The following PLCXD3 variants were observed in gnomAD, a reference collection of about 807,000 sequenced individuals.
PLCXD3 encodes the protein PI-PLC X domain-containing protein 3.
A neutral mutation model predicts 25.5 loss-of-function variants in PLCXD3; 19 were observed. That is an observed-to-expected ratio of 0.75 (90% CI 0.52 to 1.09). PLCXD3 has a LOEUF of 1.09. Ranked by LOEUF, PLCXD3 falls within the 50% of genes least tolerant of loss-of-function variation. The probability of loss-of-function intolerance (pLI) is 0.00; values close to 1 mark genes in which losing one functional copy is unlikely to be tolerated. For missense variants in PLCXD3, 411 were observed against 388.1 expected (o/e 1.06, Z -0.50); for synonymous variants, 174 against 137.6 (o/e 1.26, Z -1.85).
intron 1 of PLCXD3, among the ~76,000 whole-genome samples, chr5:41,428,108 C>G (rs902585628): frequency 6.6e-5 from 10 of 152,096 alleles, no homozygotes; most frequent in East Asian, 3.9e-4. Flanking sequence ...TAAACTTTGT[C>G]TCTCTCCCCA....
Position 41,309,903 on chromosome 5 carries a change from T to C in PLCXD3, c.*3714A>G, listed in dbSNP as rs1435438235. 6.6e-6 allele frequency: 1 copy of C among 152,160 alleles called. No individual in the cohort carries two copies. The highest frequency in any genetic ancestry group is 1.5e-5 in the Non-Finnish European group (1 of 68,008). The allele number at this position is 152,160 out of a possible 1,614,324, so 9.4% of individuals were successfully genotyped here. A position where few individuals can be genotyped will look rare whatever the true frequency, so the allele number is the denominator to read the frequency against. On this transcript the variant is annotated 3_prime_UTR_variant, in exon 3 of 3. Coordinates refer to ENST00000377801, the MANE Select transcript of PLCXD3 (RefSeq NM_001005473.3). ...TTTGAATTATGTTTATATCTACTAATGTAGGAGATATTGATTTTAAGAGTT... is the reference window on the plus strand; with the variant it reads ...TTTGAATTATGTTTATATCTACTAACGTAGGAGATATTGATTTTAAGAGTT...
At chr5:41,491,729 C>T (rs1484813994) in intron 1 of PLCXD3, among the ~76,000 whole-genome samples, 1 of 151,960 alleles carries the variant, frequency 6.6e-6, no homozygotes, top group East Asian at 1.9e-4. Flanking sequence ...GGTTTAAAGT[C>T]TGTTTTATCA....
chr5:41,446,097 A>C (rs141261780), intron 1 of PLCXD3, among the ~76,000 whole-genome samples: 2,910 of 146,128 alleles, frequency 0.02, 38 homozygotes, highest in Non-Finnish European at 0.024. Context: ...CTGAGGCAGG[A>C]GAATGACGTG....
intron 1 of PLCXD3, among the ~76,000 whole-genome samples, chr5:41,508,540 G>A (rs1319989816): frequency 1.3e-5 from 2 of 152,216 alleles, no homozygotes; most frequent in Non-Finnish European, 2.9e-5. Context: ...GCTTCATGGG[G>A]TTTTAGAAGG....
chr5:41,392,898 GA>G (rs1168981097), intron 1 of PLCXD3, among the ~76,000 whole-genome samples: 1 of 152,120 alleles, frequency 6.6e-6, no homozygotes, highest in Non-Finnish European at 1.5e-5. Flanking sequence ...CTGAAATTCT[GA>G]AGCTGAAAAA....
intron 1 of PLCXD3, among the ~76,000 whole-genome samples, chr5:41,455,935 C>T (rs1747742580): frequency 6.6e-6 from 1 of 151,840 alleles, no homozygotes; most frequent in South Asian, 2.1e-4. Context: ...GTGTTAAAAA[C>T]AATGCATGTA....
chr5:41,360,892 T>A lies in PLCXD3; in HGVS notation c.812+20934A>T, dbSNP rs1744752779. On this transcript the variant is annotated intron_variant, in intron 2 of 2. Coordinates refer to ENST00000377801, the MANE Select transcript of PLCXD3 (RefSeq NM_001005473.3). ...ACATCAGCTGTGGTAATATAAGGAGTTTGCAAACTCACCTTGGGGATACCT... is the reference window on the plus strand; with the variant it reads ...ACATCAGCTGTGGTAATATAAGGAGATTGCAAACTCACCTTGGGGATACCT... Among the ~76,000 whole-genome samples the A allele has an allele frequency of 2.6e-5, 4 of 152,026 alleles. No individual in the cohort carries two copies. The South Asian group carries it at 8.3e-4, about 32-fold the overall frequency.
Position 41,503,083 on chromosome 5 carries a change from T to C in PLCXD3, c.103+7341A>G, listed in dbSNP as rs186022149. The stretch of plus-strand genomic sequence containing the variant: ...GTTATCTTCCTCCTACTCTTCTTCC[T>C]CCTCTAAATGGCAGCATGGGTGTAT... On this transcript the variant is annotated intron_variant, in intron 1 of 2. Transcript: ENST00000377801. 1.6e-3 allele frequency among the ~76,000 whole-genome samples: 242 copies of C among 152,262 alleles called. 1 individual carries two copies. Among genetic ancestry groups the C allele is most frequent in the African/African-American group, 5.0e-3 (206 of 41,546 alleles).
At chr5:41,459,969 C>T (rs1359218611) in intron 1 of PLCXD3, among the ~76,000 whole-genome samples, 1 of 151,826 alleles carries the variant, frequency 6.6e-6, no homozygotes, top group Non-Finnish European at 1.5e-5. Flanking sequence ...TACTAGCGTT[C>T]AAGATAAAGC....
At chr5:41,320,919 T>A (rs914500545) in intron 2 of PLCXD3, among the ~76,000 whole-genome samples, 2 of 152,282 alleles carry the variant, frequency 1.3e-5, no homozygotes, top group East Asian at 1.9e-4. Flanking sequence ...AAAAATCTTT[T>A]AAAAAACTGG....
chr5:41,434,325 T>G (rs1747184945), intron 1 of PLCXD3, among the ~76,000 whole-genome samples: 1 of 152,238 alleles, frequency 6.6e-6, no homozygotes, highest in South Asian at 2.1e-4. Flanking sequence ...TACTAGGTGC[T>G]GGGGATGTGA....
chr5:41,345,460 T>G (rs993421967), intron 2 of PLCXD3, among the ~76,000 whole-genome samples: 1 of 152,180 alleles, frequency 6.6e-6, no homozygotes, highest in Non-Finnish European at 1.5e-5. Context: ...TTATCTACTC[T>G]GATGCACTAA....
At chr5:41,479,572 G>T (rs1580393776) in intron 1 of PLCXD3, among the ~76,000 whole-genome samples, 1 of 152,278 alleles carries the variant, frequency 6.6e-6, no homozygotes, top group Admixed American at 6.5e-5. Flanking sequence ...ATAGTTTAGT[G>T]AGTATAGTCA....
intron 1 of PLCXD3, among the ~76,000 whole-genome samples, chr5:41,447,447 T>C (rs1747529272): frequency 6.6e-6 from 1 of 152,068 alleles, no homozygotes; most frequent in African/African-American, 2.4e-5. Context: ...TCATGTGGGA[T>C]TAAAAGAGAG....
At chr5:41,496,822 T>C (rs1403527143) in intron 1 of PLCXD3, among the ~76,000 whole-genome samples, 1 of 151,754 alleles carries the variant, frequency 6.6e-6, no homozygotes, top group East Asian at 1.9e-4. Flanking sequence ...GATATGTAAA[T>C]CATTTTCAAT....
rs1269557473 is a variant in PLCXD3 at position 41,311,602 on chromosome 5, G to C, written c.*2015C>G. The C allele has an allele frequency of 6.6e-6, 1 of 152,112 alleles. No homozygotes were observed. The highest frequency in any genetic ancestry group is 1.5e-5 in the Non-Finnish European group (1 of 67,958). 9.4% of individuals were successfully genotyped at this position (152,112 alleles called of 1,614,324 possible). On this transcript the variant is annotated 3_prime_UTR_variant, in exon 3 of 3. Coordinates refer to ENST00000377801, the MANE Select transcript of PLCXD3 (RefSeq NM_001005473.3). ...GGGCATATGTTTGTATATTGTATAT[G>C]GCAAGATGTATACACACAACCCAAA... is the stretch of plus-strand genomic sequence containing the variant.
At chr5:41,474,589 A>G (rs565237399) in intron 1 of PLCXD3, among the ~76,000 whole-genome samples, 13 of 152,220 alleles carry the variant, frequency 8.5e-5, no homozygotes, top group Middle Eastern at 3.4e-3. Flanking sequence ...TGACAGATAA[A>G]TCTCTCTCCT....
intron 1 of PLCXD3, among the ~76,000 whole-genome samples, chr5:41,394,509 A>G (rs907607561): frequency 6.6e-6 from 1 of 152,180 alleles, no homozygotes; most frequent in Non-Finnish European, 1.5e-5. Context: ...TCTGCAGTCA[A>G]CAGACAGATT....
intron 2 of PLCXD3, among the ~76,000 whole-genome samples, chr5:41,326,877 A>G (rs1480495695): frequency 6.6e-6 from 1 of 152,216 alleles, no homozygotes; most frequent in Non-Finnish European, 1.5e-5. Context: ...AAGGGAAAAC[A>G]ACACATTCAT....
Sources: gnomAD v4.1 joint callset for allele counts (sites outside exome capture counted in the v4.1 genomes callset) on GRCh38, gnomAD v4.1.1 for gene constraint, MANE v1.5 for transcripts, NCBI Gene and HGNC (gene_info 2026-07-23, HGNC 2026-07-21) for gene names.